Variants in RETREG3 observed in about 807,000 individuals in gnomAD.
The protein encoded by RETREG3 is reticulophagy regulator 3.
A neutral mutation model predicts 50.2 loss-of-function variants in RETREG3; 23 were observed. The ratio of observed to expected loss-of-function variants is 0.46; its 90% CI spans 0.33 to 0.65. The LOEUF is 0.65. RETREG3 is among the 30% of genes least tolerant of loss of function. The probability of loss-of-function intolerance (pLI) is 0.02; values close to 1 mark genes in which losing one functional copy is unlikely to be tolerated. For synonymous variants in RETREG3, 240 were observed against 234.4 expected, an observed-to-expected ratio of 1.02 and a Z score of -0.22; for missense variants, 546 against 598.0, an observed-to-expected ratio of 0.91 and a Z score of 0.91.
chr17:42,603,976 CAAA>C (rs771641680), intron 1 of RETREG3, among the ~76,000 whole-genome samples: 2 of 111,938 alleles, frequency 1.8e-5, no homozygotes, highest in Admixed American at 9.3e-5. Flanking sequence ...GACTCCGTCT[CAAA>C]AAAAAAAAAA....
chr17:42,605,629 G>GT (rs557670872), intron 1 of RETREG3, among the ~76,000 whole-genome samples: 88 of 152,284 alleles, frequency 5.8e-4, no homozygotes, highest in Admixed American at 1.3e-3. Flanking sequence ...GGACTTAACA[G>GT]TATCTGTGCC....
rs1250582172 is a variant in RETREG3 at position 42,582,212 on chromosome 17, A to T, written c.1002T>A (p.Pro334=). The change falls in exon 9 of 9, where the codon CCT becomes CCA. Residue 334 remains proline, a synonymous_variant. Coordinates refer to ENST00000309428, the MANE Select transcript of RETREG3 (RefSeq NM_178126.4). ...GGCCAGCAGGATCCATATTAATGGAAGGGAAGTCTGGAAGGTCTCTGGCAA... is the reference window on the plus strand; with the variant it reads ...GGCCAGCAGGATCCATATTAATGGATGGGAAGTCTGGAAGGTCTCTGGCAA... ...ESFARDLPDF[P]SINMDPAGLD... 1.2e-6 allele frequency: 2 copies of T among 1,613,276 alleles called. No homozygotes were observed. The highest frequency in any genetic ancestry group is 2.2e-5 in the East Asian group (1 of 44,874).
intron 1 of RETREG3, among the ~76,000 whole-genome samples, chr17:42,594,543 G>C (rs2093139901): frequency 6.6e-6 from 1 of 150,654 alleles, no homozygotes. Flanking sequence ...GACAAAGCAA[G>C]ACTCCATTTC....
In RETREG3 at chr17:42,609,034, G is replaced by A. The variant is rs931756068; in HGVS notation, c.239+52C>T. On this transcript the variant is annotated intron_variant, in intron 1 of 8. Transcript: ENST00000309428. ...GGCAGGCGAGAAGTAGAGCCCTAGAGGAACCAACGAATTCGGGACTCGGAG... is the reference window on the plus strand; with the variant it reads ...GGCAGGCGAGAAGTAGAGCCCTAGAAGAACCAACGAATTCGGGACTCGGAG... The A allele has an allele frequency of 2.7e-4, 415 of 1,561,500 alleles. 1 individual carries two copies. Among genetic ancestry groups the A allele is most frequent in the Non-Finnish European group, 3.5e-4 (400 of 1,150,890 alleles).
At chr17:42,606,552 G>A (rs1302832508) in intron 1 of RETREG3, among the ~76,000 whole-genome samples, 2 of 150,924 alleles carry the variant, frequency 1.3e-5, no homozygotes, top group African/African-American at 2.4e-5. Flanking sequence ...AGTGGGCCGA[G>A]ATGGCGCCAC....
intron 1 of RETREG3, among the ~76,000 whole-genome samples, chr17:42,600,541 T>C (rs1324752142): frequency 6.6e-6 from 1 of 152,120 alleles, no homozygotes; most frequent in Non-Finnish European, 1.5e-5. Flanking sequence ...TTAAATGATA[T>C]GACACATCAA....
At chr17:42,602,277 A>C (rs958715558) in intron 1 of RETREG3, among the ~76,000 whole-genome samples, 1 of 151,876 alleles carries the variant, frequency 6.6e-6, no homozygotes, top group Non-Finnish European at 1.5e-5. Flanking sequence ...AGATCATGCC[A>C]CTGCACTCCA....
intron 6 of RETREG3, among the ~76,000 whole-genome samples, chr17:42,584,798 A>G (rs2093117627): frequency 6.9e-6 from 1 of 144,250 alleles, no homozygotes; most frequent in South Asian, 2.3e-4. Context: ...CCTGGGAAAC[A>G]GAATGAGACC....
At chr17:42,582,834 T>C (rs766597857) in intron 7 of RETREG3, 28 bp from the exon 8 acceptor site, 5 of 1,613,782 alleles carry the variant, frequency 3.1e-6, no homozygotes, top group South Asian at 1.1e-5. Flanking sequence ...AAATGTGAGA[T>C]AATGCCATCA....
At chr17:42,601,389 G>A (rs531690196) in intron 1 of RETREG3, among the ~76,000 whole-genome samples, 4 of 151,492 alleles carry the variant, frequency 2.6e-5, no homozygotes, top group Non-Finnish European at 5.9e-5. Context: ...TGGCTAACAC[G>A]GTGAAACCCT....
chr17:42,602,129 A>C (rs555795195), intron 1 of RETREG3, among the ~76,000 whole-genome samples: 2 of 152,010 alleles, frequency 1.3e-5, no homozygotes, highest in Non-Finnish European at 2.9e-5. Flanking sequence ...CACTTTGGCC[A>C]ACATGGTGAA....
chr17:42,586,014 C>G (rs1240219112), intron 5 of RETREG3, 39 bp downstream of exon 5: 1 of 1,588,088 alleles, frequency 6.3e-7, no homozygotes, highest in Non-Finnish European at 8.6e-7. Flanking sequence ...AAGCTATGAG[C>G]AGGGTATACT....
At chr17:42,586,990 G>A (rs1391762217) in intron 3 of RETREG3, 99 bp from the exon 4 acceptor site, 20 of 1,515,566 alleles carry the variant, frequency 1.3e-5, no homozygotes, top group Non-Finnish European at 1.8e-5. Context: ...AATGGGGTTT[G>A]GGGAGTGACT....
rs952666204 is a variant in RETREG3 at position 42,580,540 on chromosome 17, A to G, written c.*1273T>C. The G allele has an allele frequency of 6.5e-6, 1 of 152,746 alleles. No homozygotes were observed. Among genetic ancestry groups the G allele is most frequent in the Non-Finnish European group, 1.5e-5 (1 of 68,072 alleles). The allele number at this position is 152,746 out of a possible 1,614,324, so 9.5% of individuals were successfully genotyped here. ...AGAAGACTCAGACCTCAAAATACAGAGGTGCTCACTAATCCTCCCAGCCAG... is the reference window on the plus strand; with the variant it reads ...AGAAGACTCAGACCTCAAAATACAGGGGTGCTCACTAATCCTCCCAGCCAG... On this transcript the variant is annotated 3_prime_UTR_variant, in exon 9 of 9. Transcript: ENST00000309428.
At chr17:42,587,977 T>C in intron 2 of RETREG3, 113 bp from the exon 3 acceptor site, 1 of 1,152,182 alleles carries the variant, frequency 8.7e-7, no homozygotes, top group South Asian at 1.2e-5. Flanking sequence ...AAGAAAACAG[T>C]AATAGCCGAT....
At chr17:42,608,681 T>TACTCC (rs968542026) in intron 1 of RETREG3, 1 of 175,452 alleles carries the variant, frequency 5.7e-6, no homozygotes, top group African/African-American at 2.4e-5. Context: ...TTCACGCCTC[T>TACTCC]ACTCCAACAA....
chr17:42,602,938 C>A (rs939720415), intron 1 of RETREG3, among the ~76,000 whole-genome samples: 1 of 151,710 alleles, frequency 6.6e-6, no homozygotes, highest in Non-Finnish European at 1.5e-5. Context: ...GAGATCCTGT[C>A]CCCCGCCAAA....
intron 1 of RETREG3, among the ~76,000 whole-genome samples, chr17:42,597,148 A>C (rs1038603930): frequency 6.6e-6 from 1 of 151,420 alleles, no homozygotes. Flanking sequence ...TACTGGGATT[A>C]GAGGCATGAG....
intron 5 of RETREG3, among the ~76,000 whole-genome samples, chr17:42,585,728 C>T (rs1368968246): frequency 6.6e-6 from 1 of 152,150 alleles, no homozygotes; most frequent in Non-Finnish European, 1.5e-5. Flanking sequence ...AGAGAAACCC[C>T]TAAGAGTTAT....
Sources: allele counts gnomAD v4.1 joint callset (sites outside exome capture counted in the v4.1 genomes callset), GRCh38; gene constraint gnomAD v4.1.1; transcripts MANE v1.5; gene names NCBI Gene and HGNC (gene_info 2026-07-23, HGNC 2026-07-21).